CNTNAP2: variants seen among roughly 807,000 people sequenced by gnomAD.
CNTNAP2 encodes the protein contactin-associated protein-like 2.
In CNTNAP2, 98 loss-of-function variants were observed where a neutral mutation model predicts 155.2. That is an observed-to-expected ratio of 0.63 (90% CI 0.54 to 0.75). The LOEUF (loss-of-function observed/expected upper bound fraction) is 0.75, where lower values mean the gene tolerates loss of function less well. Among genes scored for constraint, CNTNAP2 ranks in the 30% least tolerant of loss-of-function variants. The pLI, the probability that CNTNAP2 is intolerant of heterozygous loss-of-function variation, is 0.00. For synonymous variants in CNTNAP2, 651 were observed against 631.2 expected (o/e 1.03, Z -0.47); for missense variants, 1,727 against 1,688.1 (o/e 1.02, Z -0.40).
At chr7:147,658,564 C>T (rs78842901) in intron 13 of CNTNAP2, among the ~76,000 whole-genome samples, 18,259 of 152,164 alleles carry the variant, frequency 0.12, 1,415 homozygotes, top group Admixed American at 0.23. Context: ...GCTGAAAGGA[C>T]TGGACACTTC....
chr7:147,668,247 G>A (rs186714621), intron 13 of CNTNAP2, among the ~76,000 whole-genome samples: 1 of 152,270 alleles, frequency 6.6e-6, no homozygotes. Flanking sequence ...TCCTTAAAAA[G>A]TTTAAAAACG....
At chr7:147,512,165 A>C (rs1003384458) in intron 11 of CNTNAP2, among the ~76,000 whole-genome samples, 5 of 151,918 alleles carry the variant, frequency 3.3e-5, no homozygotes, top group Non-Finnish European at 7.4e-5. Context: ...AGCTCTCCAC[A>C]CTCTCACCAT....
chr7:147,143,837 G>C (rs1042830777), intron 8 of CNTNAP2, among the ~76,000 whole-genome samples: 8 of 152,120 alleles, frequency 5.3e-5, no homozygotes, highest in African/African-American at 1.2e-4. Flanking sequence ...TAAAATGAAA[G>C]CGTGTATACA....
At chr7:147,739,545 A>T (rs1259844292) in intron 13 of CNTNAP2, among the ~76,000 whole-genome samples, 1 of 152,108 alleles carries the variant, frequency 6.6e-6, no homozygotes, top group Non-Finnish European at 1.5e-5. Context: ...CAGGGTTCTT[A>T]TGGAAAGGTG....
intron 3 of CNTNAP2, among the ~76,000 whole-genome samples, chr7:146,924,943 A>C (rs1317337576): frequency 6.6e-6 from 1 of 151,876 alleles, no homozygotes; most frequent in Non-Finnish European, 1.5e-5. Context: ...AATGTCATGC[A>C]AAAAAAATTA....
intron 1 of CNTNAP2, among the ~76,000 whole-genome samples, chr7:146,201,436 T>G (rs1798857907): frequency 6.6e-6 from 1 of 152,180 alleles, no homozygotes; most frequent in African/African-American, 2.4e-5. Flanking sequence ...AGCTCCTAAT[T>G]GCCAATCCCT....
At chr7:146,150,630 T>G (rs1212838632) in intron 1 of CNTNAP2, among the ~76,000 whole-genome samples, 1 of 152,068 alleles carries the variant, frequency 6.6e-6, no homozygotes, top group East Asian at 1.9e-4. Context: ...CCTCTAATTC[T>G]TATATTTCTG....
intron 15 of CNTNAP2, among the ~76,000 whole-genome samples, chr7:148,059,342 G>A (rs1803086278): frequency 6.6e-6 from 1 of 151,948 alleles, no homozygotes; most frequent in East Asian, 1.9e-4. Context: ...TATAATCCCA[G>A]CACTTTTGGA....
intron 15 of CNTNAP2, among the ~76,000 whole-genome samples, chr7:148,115,169 G>T (rs1804440368): frequency 6.6e-6 from 1 of 152,226 alleles, no homozygotes. Context: ...AGAATAAATG[G>T]AATTGTGGTC....
At chr7:148,129,808 A>C (rs1804790615) in intron 16 of CNTNAP2, among the ~76,000 whole-genome samples, 2 of 152,224 alleles carry the variant, frequency 1.3e-5, no homozygotes, top group South Asian at 4.1e-4. Context: ...GGAGACCATC[A>C]GCCATCCAGT....
chr7:148,301,306 A>AAATAT lies in CNTNAP2; in HGVS notation c.3475+34181_3475+34182insATATA. 7.0e-4 allele frequency among the ~76,000 whole-genome samples: 73 copies of AAATAT among 103,838 alleles called. 1 individual carries two copies. The highest frequency in any genetic ancestry group is 5.4e-3 in the East Asian group (22 of 4,106). The allele number at this position is 103,838 out of a possible 152,430, so 68.1% of individuals were successfully genotyped here. On this transcript the variant is annotated intron_variant, in intron 21 of 23. Transcript: ENST00000361727. ...GAGACTCCGTCTAAAAAAAAAAAAA[A>AAATAT]ATATATATATATATATAGGTTAAAA...
At chr7:146,654,736 T>C (rs1799967775) in intron 1 of CNTNAP2, among the ~76,000 whole-genome samples, 1 of 152,142 alleles carries the variant, frequency 6.6e-6, no homozygotes, top group African/African-American at 2.4e-5. Context: ...ATAATGTCTT[T>C]GGCTTGTTAT....
intron 1 of CNTNAP2, among the ~76,000 whole-genome samples, chr7:146,525,345 G>T (rs541792839): frequency 3.9e-5 from 6 of 152,190 alleles, no homozygotes; most frequent in African/African-American, 1.4e-4. Context: ...TTACATCTGA[G>T]AATTATTGGT....
At chr7:148,274,205 G>C (rs1284815195) in intron 21 of CNTNAP2, among the ~76,000 whole-genome samples, 1 of 152,006 alleles carries the variant, frequency 6.6e-6, no homozygotes, top group African/African-American at 2.4e-5. Context: ...TGACTACAGT[G>C]AACAGAAAAC....
At chr7:148,060,991 A>C (rs1440675549) in intron 15 of CNTNAP2, among the ~76,000 whole-genome samples, 1 of 152,244 alleles carries the variant, frequency 6.6e-6, no homozygotes, top group Non-Finnish European at 1.5e-5. Context: ...AAAGAGAAAC[A>C]GAAATTGAGA....
In CNTNAP2 at chr7:146,871,269, G is replaced by A. The variant is rs138172875; in HGVS notation, c.402+31365G>A. Among the ~76,000 whole-genome samples the A allele has an allele frequency of 3.5e-3, 528 of 152,134 alleles. 2 individuals carry two copies. Among genetic ancestry groups the A allele is most frequent in the Middle Eastern group, 0.014 (4 of 294 alleles). The stretch of plus-strand genomic sequence containing the variant: ...ATAAGAGCAGGGTGTGGTGGCTCAC[G>A]CCTGTAATCCTAGCACTTTGGGAGG... On this transcript the variant is annotated intron_variant, in intron 3 of 23. Coordinates refer to ENST00000361727, the MANE Select transcript of CNTNAP2 (RefSeq NM_014141.6).
At chr7:148,154,472 T>C (rs1805363037) in intron 17 of CNTNAP2, among the ~76,000 whole-genome samples, 2 of 152,164 alleles carry the variant, frequency 1.3e-5, no homozygotes, top group South Asian at 2.1e-4. Flanking sequence ...TATTCCAAAA[T>C]TGCAAATGGA....
At chr7:148,367,567 T>G (rs1798807658) in intron 21 of CNTNAP2, among the ~76,000 whole-genome samples, 1 of 152,158 alleles carries the variant, frequency 6.6e-6, no homozygotes, top group East Asian at 1.9e-4. Flanking sequence ...TGCTTTGCCT[T>G]AAAAAAGCAT....
intron 8 of CNTNAP2, among the ~76,000 whole-genome samples, chr7:147,164,506 G>C (rs192569593): frequency 3.0e-4 from 45 of 152,128 alleles, no homozygotes; most frequent in Admixed American, 1.8e-3. Flanking sequence ...CATAACAATT[G>C]TACATATTTA....
Sources: gnomAD v4.1 joint callset for allele counts (sites outside exome capture counted in the v4.1 genomes callset) on GRCh38, gnomAD v4.1.1 for gene constraint, MANE v1.5 for transcripts, NCBI Gene and HGNC (gene_info 2026-07-23, HGNC 2026-07-21) for gene names.